CAMKMT: variants seen among roughly 807,000 people sequenced by gnomAD.
CAMKMT encodes the protein CaM KMT.
In CAMKMT, 53 loss-of-function variants were observed where a neutral mutation model predicts 48.0. The observed-to-expected ratio is 1.10, with a 90% CI of 0.89 to 1.39. The LOEUF (loss-of-function observed/expected upper bound fraction) is 1.39, where lower values mean the gene tolerates loss of function less well. CAMKMT is among the 40% of genes most tolerant of loss of function. CAMKMT has a pLI of 0.00. For missense variants in CAMKMT, 428 were observed against 402.7 expected (o/e 1.06, Z -0.54); for synonymous variants, 165 against 152.3 (o/e 1.08, Z -0.61).
intron 3 of CAMKMT, among the ~76,000 whole-genome samples, chr2:44,672,849 A>C (rs985347255): frequency 1.1e-4 from 16 of 152,188 alleles, no homozygotes; most frequent in Admixed American, 1.0e-3. Flanking sequence ...GTTTTATATT[A>C]GTTTGAGGGT....
At chr2:44,470,728 G>A (rs943470793) in intron 3 of CAMKMT, among the ~76,000 whole-genome samples, 4 of 151,990 alleles carry the variant, frequency 2.6e-5, no homozygotes, top group Admixed American at 6.6e-5. Flanking sequence ...ACAACCTTGC[G>A]TATTATCTGT....
intron 3 of CAMKMT, among the ~76,000 whole-genome samples, chr2:44,520,939 T>C (rs922874911): frequency 1.3e-5 from 2 of 152,248 alleles, no homozygotes; most frequent in African/African-American, 4.8e-5. Context: ...GTAAGTTTCC[T>C]GAGGTTTCCC....
chr2:44,422,018 G>C (rs1267614230), intron 3 of CAMKMT, among the ~76,000 whole-genome samples: 5 of 152,204 alleles, frequency 3.3e-5, no homozygotes, highest in Non-Finnish European at 2.9e-5. Flanking sequence ...CAACCTGCAT[G>C]ATACAGTTTG....
chr2:44,587,714 G>A (rs1299567217), intron 3 of CAMKMT, among the ~76,000 whole-genome samples: 1 of 131,892 alleles, frequency 7.6e-6, no homozygotes, highest in Non-Finnish European at 1.6e-5. Flanking sequence ...TCCTGACCGC[G>A]AGTGATCCGC....
At position 44,716,141 on chromosome 2, in the gene CAMKMT, TA is replaced by T. The variant is rs549998021; in HGVS notation, c.623+789del. On this transcript the variant is annotated intron_variant, in intron 7 of 10. Coordinates refer to ENST00000378494, the MANE Select transcript of CAMKMT (RefSeq NM_024766.5). ...TCATTCATTTAACCACAGACTTTAT[TA>T]GAATAACTCTCTGTTAAATTAATTG... is the stretch of plus-strand genomic sequence containing the variant. Among the ~76,000 whole-genome samples the T allele has an allele frequency of 1.6e-3, 249 of 152,314 alleles. 1 individual carries two copies. Among genetic ancestry groups the T allele is most frequent in the Non-Finnish European group, 2.7e-3 (187 of 68,020 alleles).
chr2:44,660,859 T>G (rs1473773460), intron 3 of CAMKMT, among the ~76,000 whole-genome samples: 1 of 152,132 alleles, frequency 6.6e-6, no homozygotes, highest in Non-Finnish European at 1.5e-5. Context: ...TCCTCCCATC[T>G]TGGCCTCCCA....
At chr2:44,579,959 CT>C (rs1669456162) in intron 3 of CAMKMT, among the ~76,000 whole-genome samples, 1 of 152,158 alleles carries the variant, frequency 6.6e-6, no homozygotes, top group Non-Finnish European at 1.5e-5. Context: ...GAGCAAGCAT[CT>C]TACAGAAATG....
At position 44,618,070 on chromosome 2, in the gene CAMKMT, A is replaced by T. The variant is rs904850762; in HGVS notation, c.377-86213A>T. ...GTATACACTTCTAGTAGTTAAACTG[A>T]TTTTAATGGATGAATTTTCATTTAA... On this transcript the variant is annotated intron_variant, in intron 3 of 10. Coordinates refer to ENST00000378494, the MANE Select transcript of CAMKMT (RefSeq NM_024766.5). The surrounding 1 kb of genome is among the most constrained non-coding windows in gnomAD (Gnocchi z 4.0). Among the ~76,000 whole-genome samples the T allele has an allele frequency of 2.0e-5, 3 of 152,162 alleles. No individual in the cohort carries two copies. The highest frequency in any genetic ancestry group is 4.4e-5 in the Non-Finnish European group (3 of 68,032).
At chr2:44,406,683 A>G (rs750353777) in intron 3 of CAMKMT, among the ~76,000 whole-genome samples, 9 of 152,182 alleles carry the variant, frequency 5.9e-5, no homozygotes, top group Non-Finnish European at 8.8e-5. Flanking sequence ...TGCATCCGCA[A>G]CTTCCTGGAC....
chr2:44,439,699 G>A (rs1170751918), intron 3 of CAMKMT, among the ~76,000 whole-genome samples: 4 of 151,884 alleles, frequency 2.6e-5, no homozygotes, highest in Non-Finnish European at 2.9e-5. Context: ...TCAGCCGGGC[G>A]TCGTGGCGGG....
intron 3 of CAMKMT, among the ~76,000 whole-genome samples, chr2:44,509,519 C>T (rs1670432186): frequency 6.6e-6 from 1 of 152,098 alleles, no homozygotes; most frequent in Admixed American, 6.6e-5. Flanking sequence ...CCATGTTGCC[C>T]AGGCTGGTCT....
chr2:44,430,421 C>T (rs963274350), intron 3 of CAMKMT, among the ~76,000 whole-genome samples: 3 of 151,698 alleles, frequency 2.0e-5, no homozygotes, highest in African/African-American at 7.3e-5. Flanking sequence ...AGCCTCTCAT[C>T]AGTGGACAAA....
intron 8 of CAMKMT, 93 bp from the exon 9 acceptor site, chr2:44,753,962 A>G: frequency 1.2e-6 from 1 of 840,584 alleles, no homozygotes; most frequent in Non-Finnish European, 2.0e-6. Flanking sequence ...GCGTTGGGTA[A>G]ACATGTGTAA....
At chr2:44,420,438 T>G (rs1683855720) in intron 3 of CAMKMT, among the ~76,000 whole-genome samples, 1 of 152,130 alleles carries the variant, frequency 6.6e-6, no homozygotes, top group African/African-American at 2.4e-5. Context: ...GAGTGCTGAC[T>G]CCTCCCTAAT....
At chr2:44,769,545 A>G (rs927093520) in intron 10 of CAMKMT, among the ~76,000 whole-genome samples, 1 of 152,224 alleles carries the variant, frequency 6.6e-6, no homozygotes, top group Non-Finnish European at 1.5e-5. Flanking sequence ...ATCGTTTTGT[A>G]AGGTAGAGAT....
At chr2:44,586,353 A>G (rs930131233) in intron 3 of CAMKMT, among the ~76,000 whole-genome samples, 3 of 145,454 alleles carry the variant, frequency 2.1e-5, no homozygotes, top group East Asian at 2.0e-4. Context: ...AGGATTCCCT[A>G]TTTAATGAAA....
intron 6 of CAMKMT, among the ~76,000 whole-genome samples, chr2:44,712,050 G>A (rs1335720185): frequency 6.6e-6 from 1 of 151,986 alleles, no homozygotes; most frequent in Non-Finnish European, 1.5e-5. Context: ...ATAACAATTG[G>A]CATTGCTAAC....
At chr2:44,555,989 C>A (rs1371473894) in intron 3 of CAMKMT, among the ~76,000 whole-genome samples, 1 of 151,872 alleles carries the variant, frequency 6.6e-6, no homozygotes, top group Non-Finnish European at 1.5e-5. Context: ...ATGGGAGGAG[C>A]AGAAGTATAG....
At chr2:44,617,094 A>G (rs1205785428) in intron 3 of CAMKMT, among the ~76,000 whole-genome samples, 2 of 152,192 alleles carry the variant, frequency 1.3e-5, no homozygotes, top group Non-Finnish European at 2.9e-5. Context: ...CAAAATAAAC[A>G]TGTTTAAACT....
Sources: gnomAD v4.1 joint callset for allele counts (sites outside exome capture counted in the v4.1 genomes callset) on GRCh38, gnomAD v4.1.1 for gene constraint, Gnocchi (gnomAD v3.1) non-coding constraint, MANE v1.5 for transcripts, NCBI Gene and HGNC (gene_info 2026-07-23, HGNC 2026-07-21) for gene names.